NEDD4L: variants seen among roughly 807,000 people sequenced by gnomAD.
The protein encoded by NEDD4L is E3 ubiquitin-protein ligase NEDD4-like.
A neutral mutation model predicts 148.9 loss-of-function variants in NEDD4L; 54 were observed. The observed-to-expected ratio is 0.36, with a 90% CI of 0.29 to 0.45. NEDD4L has a LOEUF of 0.45. Among genes scored for constraint, NEDD4L ranks in the 20% least tolerant of loss-of-function variants. NEDD4L has a pLI of 1.00. For missense variants in NEDD4L, 856 were observed against 1,233.8 expected, an observed-to-expected ratio of 0.69 and a Z score of 4.59; for synonymous variants, 433 against 440.7, an observed-to-expected ratio of 0.98 and a Z score of 0.22.
At chr18:58,057,828 T>A (rs10439057) in intron 1 of NEDD4L, among the ~76,000 whole-genome samples, 14,452 of 152,098 alleles carry the variant, frequency 0.095, 1,006 homozygotes, top group African/African-American at 0.2. Flanking sequence ...GAGGCAATTT[T>A]AAAATAGCCT....
rs543506411 is a variant in NEDD4L at position 58,341,066 on chromosome 18, C to T, written c.1154C>T (p.Pro385Leu). 8.7e-6 allele frequency: 14 copies of T among 1,610,820 alleles called. No individual in the cohort carries two copies. The highest frequency in any genetic ancestry group is 2.7e-5 in the African/African-American group (2 of 75,002). The part of the protein sequence containing the change: ...TPSVAYVHTT[P>L]GLPSGWEERK... The stretch of plus-strand genomic sequence containing the variant: ...TCAGTGGCCTATGTACATACCACGC[C>T]GGGTCTGCCTTCAGGCTGGGAAGAA... The change falls in exon 14 of 31, where the codon CCG (proline) becomes CTG (leucine). Residue 385 changes from proline (P) to leucine (L), a missense_variant. By Grantham distance (98) the Pro-to-Leu change is moderately conservative (BLOSUM62 -3). Transcript: ENST00000400345.
chr18:58,045,630 CA>C, intron 1 of NEDD4L: 1 of 152,828 alleles, frequency 6.5e-6, no homozygotes, highest in East Asian at 1.9e-4. Flanking sequence ...GTTGCTCTGC[CA>C]AAAAGGGGGG....
chr18:58,109,806 G>T (rs928528944), intron 1 of NEDD4L, among the ~76,000 whole-genome samples: 1 of 152,070 alleles, frequency 6.6e-6, no homozygotes, highest in Admixed American at 6.5e-5. Context: ...CTGACCTCGT[G>T]ACCCACCTGC....
intron 20 of NEDD4L, 25 bp downstream of exon 20, chr18:58,364,358 T>A: frequency 6.8e-7 from 1 of 1,478,388 alleles, no homozygotes; most frequent in Non-Finnish European, 9.2e-7. Context: ...CTTCCAAAAA[T>A]GCTTTGTGTT....
chr18:58,298,913 C>T (rs1003665364), intron 5 of NEDD4L, among the ~76,000 whole-genome samples: 4 of 152,232 alleles, frequency 2.6e-5, no homozygotes, highest in African/African-American at 9.6e-5. Context: ...GATACTGATT[C>T]ATGACATGAC....
intron 5 of NEDD4L, among the ~76,000 whole-genome samples, chr18:58,264,541 C>G (rs574066455): frequency 6.6e-6 from 1 of 152,096 alleles, no homozygotes; most frequent in East Asian, 1.9e-4. Flanking sequence ...CATGTGATAT[C>G]TTGTACCTGT....
At chr18:58,070,332 G>A (rs1341710641) in intron 1 of NEDD4L, among the ~76,000 whole-genome samples, 4 of 151,802 alleles carry the variant, frequency 2.6e-5, no homozygotes, top group Non-Finnish European at 4.4e-5. Flanking sequence ...TGGTGTAATC[G>A]TGACTCACTG....
At chr18:58,213,480 T>C (rs1860053254) in intron 2 of NEDD4L, among the ~76,000 whole-genome samples, 1 of 152,208 alleles carries the variant, frequency 6.6e-6, no homozygotes, top group Non-Finnish European at 1.5e-5. Flanking sequence ...TAATATCCAG[T>C]TCTAAAAGAC....
rs1260351114 is a variant in NEDD4L at position 58,370,335 on chromosome 18, A to G, written c.2186-62A>G. 15 of 993,958 alleles carry G rather than the reference A, an allele frequency of 1.5e-5. 1 individual carries two copies. Among genetic ancestry groups the G allele is most frequent in the South Asian group, 1.2e-4 (9 of 76,496 alleles). The allele number at this position is 993,958 out of a possible 1,614,324, so 61.6% of individuals were successfully genotyped here. ...TGAAAGCAGGTTAATCTTTTCTTTC[A>G]TGCTCTGATACATAGCAGTGTCAAA... is the stretch of plus-strand genomic sequence containing the variant. On this transcript the variant is annotated intron_variant, in intron 22 of 30. Coordinates refer to ENST00000400345, the MANE Select transcript of NEDD4L (RefSeq NM_001144967.3).
chr18:58,240,380 G>C (rs1244031739), intron 2 of NEDD4L, among the ~76,000 whole-genome samples: 3 of 152,144 alleles, frequency 2.0e-5, no homozygotes, highest in Non-Finnish European at 2.9e-5. Flanking sequence ...CGAACTTCTT[G>C]TTGGAGTGGC....
intron 5 of NEDD4L, among the ~76,000 whole-genome samples, chr18:58,259,384 G>A (rs1022214209): frequency 6.6e-6 from 1 of 152,126 alleles, no homozygotes; most frequent in African/African-American, 2.4e-5. Flanking sequence ...TCAGTCTGTG[G>A]CAGTCATTAG....
At chr18:58,217,761 G>A (rs957156781) in intron 2 of NEDD4L, among the ~76,000 whole-genome samples, 1 of 152,010 alleles carries the variant, frequency 6.6e-6, no homozygotes, top group African/African-American at 2.4e-5. Context: ...ATATAAATTG[G>A]TTACCATTTA....
chr18:58,323,821 C>CT (rs1445434498), intron 8 of NEDD4L, among the ~76,000 whole-genome samples: 5 of 152,304 alleles, frequency 3.3e-5, no homozygotes, highest in African/African-American at 1.2e-4. Context: ...AGGAATGTCC[C>CT]TTTTTTCCTT....
chr18:58,137,489 A>C lies in NEDD4L; in HGVS notation c.49-28299A>C, dbSNP rs1042727436. Among the ~76,000 whole-genome samples the C allele has an allele frequency of 6.6e-5, 10 of 152,260 alleles. No individual in the cohort carries two copies. The East Asian group carries it at 1.2e-3, about 18-fold the overall frequency. On this transcript the variant is annotated intron_variant, in intron 1 of 30. Transcript: ENST00000400345. ...GTGGGTTTATTAGCTGGGAAAGGCCATAAGGATGAGGAAGAGAAGCTTGTG... is the reference window on the plus strand; with the variant it reads ...GTGGGTTTATTAGCTGGGAAAGGCCCTAAGGATGAGGAAGAGAAGCTTGTG...
chr18:58,351,610 T>C (rs2043896383), intron 18 of NEDD4L, among the ~76,000 whole-genome samples: 1 of 152,218 alleles, frequency 6.6e-6, no homozygotes, highest in Non-Finnish European at 1.5e-5. Flanking sequence ...GGTTTCTCAT[T>C]CCAACTAAAA....
At chr18:58,271,448 C>CT (rs2051030285) in intron 5 of NEDD4L, among the ~76,000 whole-genome samples, 1 of 152,138 alleles carries the variant, frequency 6.6e-6, no homozygotes, top group South Asian at 2.1e-4. Context: ...ACCAAGATCA[C>CT]TTTTTGGTAA....
intron 2 of NEDD4L, among the ~76,000 whole-genome samples, chr18:58,230,170 A>C (rs1274724562): frequency 6.6e-6 from 1 of 152,218 alleles, no homozygotes; most frequent in Non-Finnish European, 1.5e-5. Flanking sequence ...TCAGTTTATA[A>C]GTGATTACTA....
intron 5 of NEDD4L, among the ~76,000 whole-genome samples, chr18:58,289,324 T>G (rs2054370341): frequency 6.6e-6 from 1 of 151,828 alleles, no homozygotes; most frequent in South Asian, 2.1e-4. Flanking sequence ...AGGTGGGAGG[T>G]TTCTGTCTCA....
chr18:58,354,284 G>T (rs1291527257), intron 18 of NEDD4L, among the ~76,000 whole-genome samples: 1 of 152,166 alleles, frequency 6.6e-6, no homozygotes, highest in East Asian at 1.9e-4. Flanking sequence ...TTGAATTCCA[G>T]TGATTTTGTA....
Sources: gnomAD v4.1 joint callset for allele counts (sites outside exome capture counted in the v4.1 genomes callset) on GRCh38, gnomAD v4.1.1 for gene constraint, MANE v1.5 for transcripts, NCBI Gene and HGNC (gene_info 2026-07-23, HGNC 2026-07-21) for gene names.